The following SPC24 variants were observed in gnomAD, a reference collection of about 807,000 sequenced individuals.
SPC24 encodes the protein kinetochore protein Spc24.
SPC24 carries 31 observed loss-of-function variants against 27.6 expected under a neutral mutation model. That is an observed-to-expected ratio of 1.12 (90% confidence interval 0.84 to 1.52). SPC24 has a LOEUF of 1.52. SPC24 is among the 40% of genes most tolerant of loss of function. The probability of loss-of-function intolerance (pLI) is 0.00; values close to 1 mark genes in which losing one functional copy is unlikely to be tolerated. For missense variants in SPC24, 284 were observed against 252.5 expected (o/e 1.12, Z -0.84); for synonymous variants, 105 against 105.8 (o/e 0.99, Z 0.05).
In SPC24 at chr19:11,146,954, C is replaced by CCT. The variant is rs2077830351; in HGVS notation, c.*227_*228dup. 3.5e-6 allele frequency: 1 copy of CCT among 284,594 alleles called. No individual in the cohort carries two copies. Among genetic ancestry groups the CCT allele is most frequent in the Non-Finnish European group, 6.7e-6 (1 of 149,054 alleles). The allele number at this position is 284,594 out of a possible 1,614,324, so 17.6% of individuals were successfully genotyped here. A position where few individuals can be genotyped will look rare whatever the true frequency, so the allele number is the denominator to read the frequency against. On this transcript the variant is annotated 3_prime_UTR_variant, in exon 5 of 5. Transcript: ENST00000592540. ...AATTAGCTGGGTGTGGTGGCGCATG[C>CCT]CTGTAATCCCAGCTACTTTGGAGGC...
At chr19:11,149,908 C>T (rs1453071792) in intron 1 of SPC24, among the ~76,000 whole-genome samples, 2 of 151,300 alleles carry the variant, frequency 1.3e-5, no homozygotes, top group African/African-American at 2.4e-5. Flanking sequence ...GACGGGGTTT[C>T]ACCATGTTGG....
At chr19:11,150,367 T>A (rs1376096095) in intron 1 of SPC24, among the ~76,000 whole-genome samples, 3 of 151,512 alleles carry the variant, frequency 2.0e-5, no homozygotes, top group African/African-American at 7.3e-5. Context: ...ATGCCTGTAA[T>A]CCCAGCTACT....
intron 1 of SPC24, among the ~76,000 whole-genome samples, chr19:11,153,839 G>A (rs977397097): frequency 9.2e-5 from 14 of 151,834 alleles, no homozygotes; most frequent in Non-Finnish European, 1.6e-4. Flanking sequence ...AGTCCGAGAC[G>A]TGTGGATCAT....
chr19:11,148,332 C>T (rs1051157416), intron 2 of SPC24, among the ~76,000 whole-genome samples: 4 of 151,870 alleles, frequency 2.6e-5, no homozygotes, highest in African/African-American at 4.8e-5. Flanking sequence ...CCCTGCCTAC[C>T]GAGTAGCTGG....
intron 1 of SPC24, among the ~76,000 whole-genome samples, chr19:11,154,356 T>C (rs143062905): frequency 0.23 from 35,508 of 151,984 alleles, 5,121 homozygotes; most frequent in South Asian, 0.36. Context: ...CTAGCCAACA[T>C]GGTGAAACCC....
At chr19:11,154,007 C>G (rs7253930) in intron 1 of SPC24, among the ~76,000 whole-genome samples, 117,491 of 151,668 alleles carry the variant, frequency 0.77, 45,761 homozygotes, top group African/African-American at 0.83. Flanking sequence ...CCAGGAGACG[C>G]AGCTTGCAGT....
chr19:11,154,374 A>G (rs1321474895), intron 1 of SPC24, among the ~76,000 whole-genome samples: 2 of 152,064 alleles, frequency 1.3e-5, no homozygotes, highest in African/African-American at 2.4e-5. Flanking sequence ...CCCCATCTCT[A>G]CTAAAAATAC....
intron 4 of SPC24, among the ~76,000 whole-genome samples, 151 bp from the exon 5 acceptor site, chr19:11,147,440 A>T (rs1453856663): frequency 6.6e-6 from 1 of 151,486 alleles, no homozygotes. Flanking sequence ...GGCTCATTGC[A>T]ACCTCCACCT....
Position 11,146,205 on chromosome 19 carries a change from G to A in SPC24, c.*978C>T, listed in dbSNP as rs2077821782. On this transcript the variant is annotated 3_prime_UTR_variant, in exon 5 of 5. Transcript: ENST00000592540. ...AATTCCTCCGTCAGCAGTGGGAGGAGAACCATGTCACTCGTATCTTGTCTC... is the reference window on the plus strand; with the variant it reads ...AATTCCTCCGTCAGCAGTGGGAGGAAAACCATGTCACTCGTATCTTGTCTC... 6.6e-6 allele frequency: 1 copy of A among 151,326 alleles called. No individual in the cohort carries two copies. The highest frequency in any genetic ancestry group is 1.5e-5 in the Non-Finnish European group (1 of 68,054). 9.4% of individuals were successfully genotyped at this position (151,326 alleles called of 1,614,324 possible). A position where few individuals can be genotyped will look rare whatever the true frequency, so the allele number is the denominator to read the frequency against.
chr19:11,147,770 CCCTA>C, intron 4 of SPC24, 44 bp downstream of exon 4: 1 of 1,526,430 alleles, frequency 6.6e-7, no homozygotes, highest in Non-Finnish European at 9.0e-7. Flanking sequence ...CATTTTATGT[CCCTA>C]CCTACAGTGC....
chr19:11,150,417 C>T (rs1233059901), intron 1 of SPC24, among the ~76,000 whole-genome samples: 1 of 149,814 alleles, frequency 6.7e-6, no homozygotes, highest in Non-Finnish European at 1.5e-5. Flanking sequence ...ACCTGGGAGG[C>T]GGAGGTTGCG....
chr19:11,150,118 T>C (rs1484603983), intron 1 of SPC24, among the ~76,000 whole-genome samples: 4 of 120,394 alleles, frequency 3.3e-5, no homozygotes, highest in South Asian at 2.8e-4. Flanking sequence ...ACCCAGGAGG[T>C]GGAGGCTGCA....
chr19:11,146,408 C>G lies in SPC24; in HGVS notation c.*775G>C, dbSNP rs570520703. Reference sequence around the variant, plus strand: ...TAGATAAGTCGACTCCCGTTGGTTACCTAGCTGAGGCCACTCTAGGAGCTG... The same window carrying G: ...TAGATAAGTCGACTCCCGTTGGTTAGCTAGCTGAGGCCACTCTAGGAGCTG... On this transcript the variant is annotated 3_prime_UTR_variant, in exon 5 of 5. Transcript: ENST00000592540. 4 of 147,498 alleles carry G rather than the reference C, an allele frequency of 2.7e-5. No individual in the cohort carries two copies. Among genetic ancestry groups the G allele is most frequent in the African/African-American group, 1.0e-4 (4 of 39,976 alleles). 9.1% of individuals were successfully genotyped at this position (147,498 alleles called of 1,614,324 possible).
rs779512682 is a variant in SPC24 at position 11,148,065 on chromosome 19, G to T, written c.358C>A (p.Arg120=). 1 of 1,613,784 alleles carries T rather than the reference G, an allele frequency of 6.2e-7. No individual in the cohort carries two copies. The highest frequency in any genetic ancestry group is 1.1e-5 in the South Asian group (1 of 91,068). Residue 120 remains arginine (R), a synonymous_variant, in exon 3 of 5, where the codon CGA becomes AGA. Transcript: ENST00000592540. Reference sequence around the variant, plus strand: ...TCCTCGTCGACCTCCTTCTCCTGTCGCTCCAGATCCGCCTCAATCTCCTTG... The same window carrying T: ...TCCTCGTCGACCTCCTTCTCCTGTCTCTCCAGATCCGCCTCAATCTCCTTG... ...ELKEIEADLE[R]QEKEVDEDTT... is the part of the protein sequence containing the mutation.
At position 11,145,512 on chromosome 19, in the gene SPC24, G is replaced by C. The variant is rs1313622391; in HGVS notation, c.*1671C>G. 1 of 152,132 alleles carries C rather than the reference G, an allele frequency of 6.6e-6. No homozygotes were observed. Among genetic ancestry groups the C allele is most frequent in the Admixed American group, 6.6e-5 (1 of 15,234 alleles). The allele number at this position is 152,132 out of a possible 1,614,324, so 9.4% of individuals were successfully genotyped here. On this transcript the variant is annotated 3_prime_UTR_variant, in exon 5 of 5. Coordinates refer to ENST00000592540, the MANE Select transcript of SPC24 (RefSeq NM_182513.4). ...CTGGACTGGAGTACATGTTCAGTTAGGGTTTATTTTGGTATCTGTCATAGA... is the reference window on the plus strand; with the variant it reads ...CTGGACTGGAGTACATGTTCAGTTACGGTTTATTTTGGTATCTGTCATAGA...
In SPC24 at chr19:11,152,809, G is replaced by A. The variant is rs1321250947; in HGVS notation, c.160+2808C>T. Among the ~76,000 whole-genome samples the A allele has an allele frequency of 2.0e-5, 3 of 152,016 alleles. No individual in the cohort carries two copies. In the East Asian group the frequency reaches 5.8e-4, roughly 29 times the overall value. Reference sequence around the variant, plus strand: ...GGGAAGGAGGGAAGAGCCTGCTTGGGACATCACATTCAGGATAATATTCAG... The same window carrying A: ...GGGAAGGAGGGAAGAGCCTGCTTGGAACATCACATTCAGGATAATATTCAG... On this transcript the variant is annotated intron_variant, in intron 1 of 4. Transcript: ENST00000592540.
At position 11,147,071 on chromosome 19, in the gene SPC24, ACT is replaced by A. The variant is rs2077831057; in HGVS notation, c.*110_*111del. 4.8e-6 allele frequency: 3 copies of A among 624,474 alleles called. No homozygotes were observed. Among genetic ancestry groups the A allele is most frequent in the Middle Eastern group, 3.8e-4 (1 of 2,608 alleles). The allele number at this position is 624,474 out of a possible 1,614,324, so 38.7% of individuals were successfully genotyped here. On this transcript the variant is annotated 3_prime_UTR_variant, in exon 5 of 5. Transcript: ENST00000592540. ...CTCCAGACTGGACAACAAGAGTGAA[ACT>A]CTGTCTCAAAAAAAAAAAAAAAAAG... is the stretch of plus-strand genomic sequence containing the variant.
chr19:11,147,975 A>G, intron 3 of SPC24, 38 bp downstream of exon 3: 4 of 1,606,054 alleles, frequency 2.5e-6, no homozygotes, highest in South Asian at 1.1e-5. Context: ...GGACTGCACA[A>G]GGAGGCACAG....
At chr19:11,150,623 C>G (rs2077863912) in intron 1 of SPC24, among the ~76,000 whole-genome samples, 1 of 151,852 alleles carries the variant, frequency 6.6e-6, no homozygotes, top group South Asian at 2.1e-4. Context: ...GGCAAAACCC[C>G]ATCTCTACTA....
Sources: gnomAD v4.1 joint callset for allele counts (sites outside exome capture counted in the v4.1 genomes callset) on GRCh38, gnomAD v4.1.1 for gene constraint, MANE v1.5 for transcripts, NCBI Gene and HGNC (gene_info 2026-07-23, HGNC 2026-07-21) for gene names.